CLDN10: variants seen among roughly 807,000 people sequenced by gnomAD.
The protein encoded by CLDN10 is claudin-10.
In CLDN10, 15 loss-of-function variants were observed where a neutral mutation model predicts 22.9. The observed-to-expected ratio is 0.65, with a 90% CI of 0.44 to 1.01. CLDN10 has a LOEUF of 1.01. CLDN10 is among the 50% of genes least tolerant of loss of function. CLDN10 has a pLI of 0.00. For missense variants in CLDN10, 247 were observed against 287.8 expected (o/e 0.86, Z 1.03); for synonymous variants, 114 against 111.4 (o/e 1.02, Z -0.15).
chr13:95,550,699 G>T (rs898319164), upstream of CLDN10, among the ~76,000 whole-genome samples: 2 of 151,766 alleles, frequency 1.3e-5, no homozygotes, highest in African/African-American at 4.8e-5. Flanking sequence ...CAAAAAAACA[G>T]ATGATAAAAC....
intron 3 of CLDN10, among the ~76,000 whole-genome samples, chr13:95,574,967 A>G (rs2043905710): frequency 2.0e-5 from 3 of 152,104 alleles, no homozygotes; most frequent in Admixed American, 2.0e-4. Context: ...CCTTTCAGTG[A>G]ACTCATTGTG....
chr13:95,552,834 CG>C lies in CLDN10; in HGVS notation c.82del (p.Asp28ThrfsTer56). The stretch of plus-strand genomic sequence containing the variant: ...TACTGGTGTCCTCCACGCTGCCCAC[CG>C]ACTACTGGAAGGTGTCTACCATCGA... ...WVLVSSTLPT[D>X]YWKVSTIDGT... On this transcript the variant is annotated frameshift_variant, in exon 1 of 5. Coordinates refer to ENST00000299339, the MANE Select transcript of CLDN10 (RefSeq NM_006984.5). LOFTEE classifies it high-confidence loss of function. 6.2e-7 allele frequency: 1 copy of C among 1,614,106 alleles called. No individual in the cohort carries two copies. The highest frequency in any genetic ancestry group is 8.5e-7 in the Non-Finnish European group (1 of 1,179,996).
intron 1 of CLDN10, among the ~76,000 whole-genome samples, chr13:95,504,661 T>A (rs962419004): frequency 1.3e-5 from 2 of 152,208 alleles, no homozygotes; most frequent in African/African-American, 2.4e-5. Flanking sequence ...ATTACAAGCA[T>A]GAGCCACCAC....
intron 1 of CLDN10, among the ~76,000 whole-genome samples, chr13:95,523,780 C>A (rs4506761): frequency 0.45 from 67,611 of 151,888 alleles, 16,089 homozygotes; most frequent in East Asian, 0.58. Context: ...GGCATGATTT[C>A]TTGACTTTGG....
chr13:95,453,689 A>C (rs1351182405), intron 1 of CLDN10, among the ~76,000 whole-genome samples: 4 of 139,140 alleles, frequency 2.9e-5, no homozygotes, highest in African/African-American at 1.0e-4. Context: ...TCTCAAAAAG[A>C]AAAAGAAAAA....
upstream of CLDN10, among the ~76,000 whole-genome samples, chr13:95,549,411 G>T (rs2043542235): frequency 6.6e-6 from 1 of 152,156 alleles, no homozygotes; most frequent in Non-Finnish European, 1.5e-5. Context: ...TAATCTTAAA[G>T]CAAAACAAGA....
At chr13:95,492,094 G>A (rs61579251) in intron 1 of CLDN10, among the ~76,000 whole-genome samples, 1 of 151,830 alleles carries the variant, frequency 6.6e-6, no homozygotes, top group Non-Finnish European at 1.5e-5. Flanking sequence ...GACTCCGTGA[G>A]GGTCCTTAAC....
intron 3 of CLDN10, among the ~76,000 whole-genome samples, chr13:95,564,484 C>G (rs1396513119): frequency 1.3e-5 from 2 of 152,232 alleles, no homozygotes; most frequent in African/African-American, 4.8e-5. Flanking sequence ...GTTTAAATTT[C>G]TGGTGAGCAA....
At chr13:95,448,541 T>C (rs2042403011) in intron 1 of CLDN10, among the ~76,000 whole-genome samples, 1 of 152,078 alleles carries the variant, frequency 6.6e-6, no homozygotes, top group South Asian at 2.1e-4. Flanking sequence ...GTGACCCCCC[T>C]GGACAGAAAG....
At chr13:95,527,663 G>C (rs767534003) in intron 1 of CLDN10, among the ~76,000 whole-genome samples, 3 of 152,184 alleles carry the variant, frequency 2.0e-5, no homozygotes, top group Non-Finnish European at 4.4e-5. Context: ...TTGAATCAGG[G>C]AGCTGGAGGC....
At chr13:95,475,835 CCTCT>C (rs150351390) in intron 1 of CLDN10, among the ~76,000 whole-genome samples, 4 of 142,560 alleles carry the variant, frequency 2.8e-5, no homozygotes, top group South Asian at 4.3e-4. Flanking sequence ...TCCCTCTTTC[CCTCT>C]CTCTCTCTCT....
intron 1 of CLDN10, among the ~76,000 whole-genome samples, chr13:95,517,707 G>A (rs188987762): frequency 0.01 from 1,553 of 152,060 alleles, 26 homozygotes; most frequent in African/African-American, 0.035. Context: ...AGGCTGAGGC[G>A]GGTGGATCAC....
intron 1 of CLDN10, among the ~76,000 whole-genome samples, chr13:95,506,307 AACAG>A (rs1359966248): frequency 6.6e-6 from 1 of 152,118 alleles, no homozygotes; most frequent in Non-Finnish European, 1.5e-5. Context: ...TCTCTTTCCA[AACAG>A]ACACTGAACT....
chr13:95,494,173 G>A (rs1020946608), intron 1 of CLDN10, among the ~76,000 whole-genome samples: 56 of 152,134 alleles, frequency 3.7e-4, no homozygotes, highest in African/African-American at 1.2e-3. Context: ...ATTCTCCACC[G>A]TTCTTGAGTA....
chr13:95,556,261 G>A (rs1189601807), intron 1 of CLDN10, among the ~76,000 whole-genome samples: 1 of 152,008 alleles, frequency 6.6e-6, no homozygotes, highest in Non-Finnish European at 1.5e-5. Flanking sequence ...GGCCAGGCTG[G>A]TCTTGAACTC....
intron 1 of CLDN10, among the ~76,000 whole-genome samples, chr13:95,449,214 C>T (rs146086229): frequency 3.3e-5 from 5 of 152,102 alleles, no homozygotes; most frequent in East Asian, 1.9e-4. Flanking sequence ...GCTTTACTAC[C>T]GACCTAGTGA....
intron 1 of CLDN10, among the ~76,000 whole-genome samples, chr13:95,457,241 A>G (rs1157779495): frequency 6.6e-6 from 1 of 152,160 alleles, no homozygotes; most frequent in Non-Finnish European, 1.5e-5. Flanking sequence ...AGATTATTCC[A>G]GTTTTCAGCA....
chr13:95,578,219 T>TAAAC lies in CLDN10; in HGVS notation c.*207_*210dup, dbSNP rs939821636. On this transcript the variant is annotated 3_prime_UTR_variant, in exon 5 of 5. Transcript: ENST00000299339. ...TTCTGTTGTGGCTTTCTATAAAAAATAAACAGTTTATTTACAGGATTTGTA... is the reference window on the plus strand; with the variant it reads ...TTCTGTTGTGGCTTTCTATAAAAAATAAACAAACAGTTTATTTACAGGATTTGTA... 2.6e-6 allele frequency: 1 copy of TAAAC among 381,074 alleles called. No homozygotes were observed. Among genetic ancestry groups the TAAAC allele is most frequent in the Non-Finnish European group, 4.7e-6 (1 of 213,062 alleles). 23.6% of individuals were successfully genotyped at this position (381,074 alleles called of 1,614,324 possible).
chr13:95,578,186 T>TAATC lies in CLDN10; in HGVS notation c.*174_*177dup, dbSNP rs2043964528. 1 of 424,472 alleles carries TAATC rather than the reference T, an allele frequency of 2.4e-6. No homozygotes were observed. The highest frequency in any genetic ancestry group is 4.2e-6 in the Non-Finnish European group (1 of 238,420). 26.3% of individuals were successfully genotyped at this position (424,472 alleles called of 1,614,324 possible). A position where few individuals can be genotyped will look rare whatever the true frequency, so the allele number is the denominator to read the frequency against. On this transcript the variant is annotated 3_prime_UTR_variant, in exon 5 of 5. Coordinates refer to ENST00000299339, the MANE Select transcript of CLDN10 (RefSeq NM_006984.5). ...TGTTCTTACATAGTTAGTTATATAC[T>TAATC]AATCATTTTCTGTTGTGGCTTTCTA...
Sources: allele counts gnomAD v4.1 joint callset (sites outside exome capture counted in the v4.1 genomes callset), GRCh38; gene constraint gnomAD v4.1.1; transcripts MANE v1.5; gene names NCBI Gene and HGNC (gene_info 2026-07-23, HGNC 2026-07-21).